The following NFATC2 variants were observed in gnomAD, a reference collection of about 807,000 sequenced individuals.
NFATC2 encodes the protein nuclear factor of activated T cells 2.
NFATC2 carries 22 observed loss-of-function variants against 87.3 expected under a neutral mutation model. That is an observed-to-expected ratio of 0.25 (90% CI 0.18 to 0.36). NFATC2 has a LOEUF of 0.36. Ranked by LOEUF, NFATC2 falls within the 10% of genes least tolerant of loss-of-function variation. The pLI, the probability that NFATC2 is intolerant of heterozygous loss-of-function variation, is 1.00. For missense variants in NFATC2, 1,149 were observed against 1,259.1 expected (o/e 0.91, Z 1.32); for synonymous variants, 565 against 542.2 (o/e 1.04, Z -0.58).
rs777793664 is a variant in NFATC2 at position 51,464,312 on chromosome 20, C to T, written c.1709-9624G>A. Among the ~76,000 whole-genome samples, 5 of 152,336 alleles carry T rather than the reference C, an allele frequency of 3.3e-5. No individual in the cohort carries two copies. The South Asian group carries it at 8.3e-4, about 25-fold the overall frequency. ...TGGCACTTACTGTGTGAGACACACA[C>T]GCATTTAACCGCCACCCTGAGGGAG... On this transcript the variant is annotated intron_variant, in intron 5 of 10. Coordinates refer to ENST00000371564, the MANE Select transcript of NFATC2 (RefSeq NM_012340.5).
In NFATC2 at chr20:51,432,258, G is replaced by C; in HGVS notation, c.2531C>G (p.Pro844Arg). The change falls in exon 9 of 11, where the codon CCT becomes CGT. Residue 844 changes from proline to arginine, a missense_variant. Pro to Arg is a moderately radical substitution (Grantham distance 103, BLOSUM62 -2). Coordinates refer to ENST00000371564, the MANE Select transcript of NFATC2 (RefSeq NM_012340.5). The surrounding 1 kb of genome is among the most constrained non-coding windows in gnomAD (Gnocchi z 4.6). ...ACCTTGACTGACCGGGGGCGGGCCA[G>C]GTCTGGTGGTGCCTGGTGCGAAATT... is the stretch of plus-strand genomic sequence containing the variant. ...CENFAPGTTR[P>R]GPPPVSQGQR... is the part of the protein sequence containing the mutation. The C allele has an allele frequency of 1.2e-6, 2 of 1,614,234 alleles. No individual in the cohort carries two copies. Among genetic ancestry groups the C allele is most frequent in the Non-Finnish European group, 1.7e-6 (2 of 1,180,042 alleles).
intron 1 of NFATC2, among the ~76,000 whole-genome samples, chr20:51,528,531 T>C (rs1298368680): frequency 6.6e-6 from 1 of 152,140 alleles, no homozygotes; most frequent in Non-Finnish European, 1.5e-5. Flanking sequence ...CACAGACAGA[T>C]GTACACGCAC....
At chr20:51,491,998 C>T (rs1387707733) in intron 3 of NFATC2, among the ~76,000 whole-genome samples, 1 of 151,924 alleles carries the variant, frequency 6.6e-6, no homozygotes, top group Non-Finnish European at 1.5e-5. Context: ...TACCCCCAGC[C>T]CCGCGCCCCC....
intron 3 of NFATC2, among the ~76,000 whole-genome samples, chr20:51,495,803 T>A (rs1378644271): frequency 6.6e-6 from 1 of 152,156 alleles, no homozygotes. Context: ...CATGCCACCA[T>A]GCCATCTGAA....
At chr20:51,546,842 G>C (rs1426693829), upstream of NFATC2, among the ~76,000 whole-genome samples, 1 of 152,208 alleles carries the variant, frequency 6.6e-6, no homozygotes, top group Non-Finnish European at 1.5e-5. Context: ...GCTGGGACTG[G>C]AAGGTTGGTA....
chr20:51,408,398 C>G (rs1978663882), intron 9 of NFATC2, among the ~76,000 whole-genome samples: 1 of 151,400 alleles, frequency 6.6e-6, no homozygotes, highest in South Asian at 2.1e-4. Context: ...CCTGTAATCC[C>G]AGCTACTCGG....
chr20:51,528,843 C>G (rs1377421243), intron 1 of NFATC2, among the ~76,000 whole-genome samples: 1 of 152,224 alleles, frequency 6.6e-6, no homozygotes, highest in Admixed American at 6.5e-5. Flanking sequence ...CCCCCACCCA[C>G]TGGAGGCCTC....
At position 51,418,462 on chromosome 20, in the gene NFATC2, A is replaced by G. The variant is rs1980354473; in HGVS notation, c.2722+13605T>C. On this transcript the variant is annotated intron_variant, in intron 9 of 10. Coordinates refer to ENST00000371564, the MANE Select transcript of NFATC2 (RefSeq NM_012340.5). ...CACAGGATAGCCCCTCACAACAGAG[A>G]ATAATCCAGCCCGAAATGTCAGTAG... Among the ~76,000 whole-genome samples, 3 of 152,214 alleles carry G rather than the reference A, an allele frequency of 2.0e-5. No homozygotes were observed. The South Asian group carries it at 6.2e-4, about 32-fold the overall frequency.
At chr20:51,542,937 A>G (rs1354628080), upstream of NFATC2, among the ~76,000 whole-genome samples, 1 of 151,950 alleles carries the variant, frequency 6.6e-6, no homozygotes, top group Non-Finnish European at 1.5e-5. Flanking sequence ...GCTGTCTCCC[A>G]CCCTCCACGG....
chr20:51,479,574 C>T (rs770324962), intron 3 of NFATC2, among the ~76,000 whole-genome samples: 9 of 152,334 alleles, frequency 5.9e-5, no homozygotes, highest in East Asian at 5.8e-4. Context: ...GAGCCACAAT[C>T]GTGCCACTGC....
intron 9 of NFATC2, among the ~76,000 whole-genome samples, chr20:51,422,447 C>T (rs1217893261): frequency 2.0e-5 from 3 of 152,012 alleles, no homozygotes; most frequent in South Asian, 2.1e-4. Context: ...CCCAGCCCTG[C>T]GTCTATTCAC....
At chr20:51,530,594 C>A (rs2076617201) in intron 1 of NFATC2, among the ~76,000 whole-genome samples, 1 of 152,152 alleles carries the variant, frequency 6.6e-6, no homozygotes, top group African/African-American at 2.4e-5. Context: ...AGGTACCTGG[C>A]CTGCATACGA....
chr20:51,395,927 C>T (rs1987014467), intron 10 of NFATC2, among the ~76,000 whole-genome samples: 1 of 151,212 alleles, frequency 6.6e-6, no homozygotes, highest in Non-Finnish European at 1.5e-5. Context: ...ATAAAAGCTG[C>T]CATAGACAGT....
chr20:51,397,685 G>A (rs1034796817), intron 10 of NFATC2, among the ~76,000 whole-genome samples: 1 of 152,144 alleles, frequency 6.6e-6, no homozygotes, highest in Non-Finnish European at 1.5e-5. Context: ...GCTGGAGAAT[G>A]TGCTCCTCCC....
In NFATC2 at chr20:51,435,289, T is replaced by G. The variant is rs771082405; in HGVS notation, c.1931A>C (p.Glu644Ala). 6.2e-7 allele frequency: 1 copy of G among 1,614,146 alleles called. No individual in the cohort carries two copies. Among genetic ancestry groups the G allele is most frequent in the Admixed American group, 1.7e-5 (1 of 60,018 alleles). ...QPNMLFVEIP[E>A]YRNKHIRTPV... ...TGTGCGGATATGCTTGTTCCGATAT[T>G]CAGGGATCTCAACAAAAAGCATGTT... Residue 644 changes from glutamate to alanine, a missense_variant, in exon 8 of 11, where the codon GAA becomes GCA. By Grantham distance (107) the Glu-to-Ala change is moderately radical (BLOSUM62 -1). Coordinates refer to ENST00000371564, the MANE Select transcript of NFATC2 (RefSeq NM_012340.5).
At chr20:51,493,690 G>A (rs1022545192) in intron 3 of NFATC2, among the ~76,000 whole-genome samples, 5 of 152,156 alleles carry the variant, frequency 3.3e-5, no homozygotes, top group South Asian at 2.1e-4. Context: ...CCTGAGAGGC[G>A]GGGCATGCTG....
intron 1 of NFATC2, among the ~76,000 whole-genome samples, chr20:51,526,011 C>T (rs566893267): frequency 5.4e-4 from 81 of 150,436 alleles, no homozygotes; most frequent in Middle Eastern, 3.4e-3. Context: ...CTGCCTCAGA[C>T]GCCTTGGGTT....
At chr20:51,444,855 C>G (rs1367293864) in intron 6 of NFATC2, among the ~76,000 whole-genome samples, 3 of 152,086 alleles carry the variant, frequency 2.0e-5, no homozygotes, top group South Asian at 2.1e-4. Context: ...ATGGCCCCCC[C>G]AGCTTAGGAT....
chr20:51,487,539 G>C (rs114110872), intron 3 of NFATC2, among the ~76,000 whole-genome samples: 2 of 152,158 alleles, frequency 1.3e-5, no homozygotes, highest in Non-Finnish European at 2.9e-5. Flanking sequence ...CTGCAGTTCA[G>C]CTTTGAAAAA....
Sources: allele counts gnomAD v4.1 joint callset (sites outside exome capture counted in the v4.1 genomes callset), GRCh38; gene constraint gnomAD v4.1.1; non-coding constraint Gnocchi (gnomAD v3.1); transcripts MANE v1.5; gene names NCBI Gene and HGNC (gene_info 2026-07-23, HGNC 2026-07-21).